The following LLCFC1 variants were observed in gnomAD, a reference collection of about 807,000 sequenced individuals.
LLCFC1 encodes sperm-oocyte fusion factor 1.
LLCFC1 carries 14 observed loss-of-function variants against 9.8 expected under a neutral mutation model. That is an observed-to-expected ratio of 1.43 (90% CI 0.95 to 2.24). LLCFC1 has a LOEUF of 2.24. Ranked by LOEUF, LLCFC1 falls within the 30% of genes most tolerant of loss-of-function variation. LLCFC1 has a pLI of 0.00. For missense variants in LLCFC1, 162 were observed against 148.0 expected (o/e 1.09, Z -0.49); for synonymous variants, 70 against 58.8 (o/e 1.19, Z -0.87).
chr7:142,939,504 GGGGAGAAAATGCCCCTGGAAA>G lies in LLCFC1; in HGVS notation c.-114_-94del. ...AAGTCAGAGGTCCTATGGAAGGTGA[GGGGAGAAAATGCCCCTGGAAA>G]GGGTTAAGGGCCAGGACAGGAATGG... On this transcript the variant is annotated 5_prime_UTR_variant, in exon 1 of 2. An upstream start codon of the reference 5' UTR is lost. Coordinates refer to ENST00000409607, the MANE Select transcript of LLCFC1 (RefSeq NM_001382496.1). 2 of 1,506,872 alleles carry G rather than the reference GGGGAGAAAATGCCCCTGGAAA, an allele frequency of 1.3e-6. No individual in the cohort carries two copies. Among genetic ancestry groups the G allele is most frequent in the Non-Finnish European group, 1.8e-6 (2 of 1,125,114 alleles). 93.3% of individuals were successfully genotyped at this position (1,506,872 alleles called of 1,614,324 possible). A position where few individuals can be genotyped will look rare whatever the true frequency, so the allele number is the denominator to read the frequency against.
rs1406972262 is a variant in LLCFC1, at chr7:142,940,681, C to T, written c.*94C>T. ...ATCACCATCACTGTATCTCAAGGTT[C>T]AGCAGCAGAGATACCAGTTGCCATC... is the stretch of plus-strand genomic sequence containing the variant. On this transcript the variant is annotated 3_prime_UTR_variant, in exon 2 of 2. Transcript: ENST00000409607. 2 of 1,102,180 alleles carry T rather than the reference C, an allele frequency of 1.8e-6. No individual in the cohort carries two copies. Among genetic ancestry groups the T allele is most frequent in the African/African-American group, 3.1e-5 (2 of 64,918 alleles). The allele number at this position is 1,102,180 out of a possible 1,614,324, so 68.3% of individuals were successfully genotyped here.
In LLCFC1 at chr7:142,939,835, G is replaced by A. The variant is rs954076231; in HGVS notation, c.133+81G>A. ...AGAAAAAAAGACGGGAGAGTCTGGA[G>A]GCTCAGGGTGAGGTCTGTGTGAGGC... On this transcript the variant is annotated intron_variant, in intron 1 of 1. Coordinates refer to ENST00000409607, the MANE Select transcript of LLCFC1 (RefSeq NM_001382496.1). 19 of 1,427,156 alleles carry A rather than the reference G, an allele frequency of 1.3e-5. No homozygotes were observed. The South Asian group carries it at 2.3e-4, about 17-fold the overall frequency. The allele number at this position is 1,427,156 out of a possible 1,614,324, so 88.4% of individuals were successfully genotyped here.
chr7:142,940,174 G>A (rs935186815), intron 1 of LLCFC1, among the ~76,000 whole-genome samples, 178 bp from the exon 2 acceptor site: 14 of 148,850 alleles, frequency 9.4e-5, no homozygotes, highest in Non-Finnish European at 1.9e-4. Flanking sequence ...TTGGGGCTGT[G>A]ATTGAACACA....
intron 1 of LLCFC1, among the ~76,000 whole-genome samples, chr7:142,939,991 A>AT (rs1291664562): frequency 6.6e-6 from 1 of 152,038 alleles, no homozygotes; most frequent in Non-Finnish European, 1.5e-5. Context: ...CTGAGCTTGC[A>AT]TGCAACTTCT....
Position 142,940,757 on chromosome 7 carries a change from GAGACAGC to G in LLCFC1, c.*175_*181del. ...TTCGGAGTTTCATCTCCCAGGGCCAGAGACAGCAGACCCACATCCTTCTCTCCCACAC... is the reference window on the plus strand; with the variant it reads ...TTCGGAGTTTCATCTCCCAGGGCCAGAGACCCACATCCTTCTCTCCCACAC... On this transcript the variant is annotated 3_prime_UTR_variant, in exon 2 of 2. Coordinates refer to ENST00000409607, the MANE Select transcript of LLCFC1 (RefSeq NM_001382496.1). 1 of 634,334 alleles carries G rather than the reference GAGACAGC, an allele frequency of 1.6e-6. No homozygotes were observed. Among genetic ancestry groups the G allele is most frequent in the Non-Finnish European group, 2.8e-6 (1 of 361,144 alleles). 39.3% of individuals were successfully genotyped at this position (634,334 alleles called of 1,614,324 possible).
Position 142,940,585 on chromosome 7 carries a change from T to G in LLCFC1, c.367T>G (p.Ter123GlyextTer23), listed in dbSNP as rs752365109. 8 of 1,613,420 alleles carry G rather than the reference T, an allele frequency of 5.0e-6. No homozygotes were observed. The South Asian group carries it at 7.7e-5, about 16-fold the overall frequency. The change falls in exon 2 of 2, where the codon TGA becomes GGA. Residue 123 changes from the stop codon to glycine, a stop_lost. Transcript: ENST00000409607. ...NIQLCFMLTH* is the reference protein window; with the variant it reads ...NIQLCFMLTHG ...CCAACTCTGCTTCATGCTCACTCAC[T>G]GACCCTCCCTCCCTCCTGGGCTCCA... is the stretch of plus-strand genomic sequence containing the variant.
At position 142,940,735 on chromosome 7, in the gene LLCFC1, G is replaced by C; in HGVS notation, c.*148G>C. 1 of 692,522 alleles carries C rather than the reference G, an allele frequency of 1.4e-6. No individual in the cohort carries two copies. The allele number at this position is 692,522 out of a possible 1,614,324, so 42.9% of individuals were successfully genotyped here. ...GCTAACTGACTGCCTCTCCAGGTTC[G>C]GAGTTTCATCTCCCAGGGCCAGAGA... is the stretch of plus-strand genomic sequence containing the variant. On this transcript the variant is annotated 3_prime_UTR_variant, in exon 2 of 2. Transcript: ENST00000409607.
Position 142,939,772 on chromosome 7 carries a change from C to G in LLCFC1, c.133+18C>G, listed in dbSNP as rs780874432. 2 of 1,597,618 alleles carry G rather than the reference C, an allele frequency of 1.3e-6. No individual in the cohort carries two copies. The highest frequency in any genetic ancestry group is 4.5e-5 in the East Asian group (2 of 44,782). On this transcript the variant is annotated intron_variant, in intron 1 of 1. Coordinates refer to ENST00000409607, the MANE Select transcript of LLCFC1 (RefSeq NM_001382496.1). ...CTCTGCAGGTAGGTGGAAAAAAAGA[C>G]AGGAGCCATACAGAGAAAACACCCT... is the stretch of plus-strand genomic sequence containing the variant.
At position 142,940,554 on chromosome 7, in the gene LLCFC1, A is replaced by G. The variant is rs1449461482; in HGVS notation, c.336A>G (p.Pro112=). ...GAGGGCCATTGAGGCGGACATTCCC[A>G]AATATCCAACTCTGCTTCATGCTCA... The part of the protein sequence containing the change: ...FSGGPLRRTF[P]NIQLCFMLTH The change falls in exon 2 of 2, where the codon CCA becomes CCG. Residue 112 remains proline, a synonymous_variant. Coordinates refer to ENST00000409607, the MANE Select transcript of LLCFC1 (RefSeq NM_001382496.1). The G allele has an allele frequency of 6.2e-7, 1 of 1,614,118 alleles. No homozygotes were observed. The highest frequency in any genetic ancestry group is 8.5e-7 in the Non-Finnish European group (1 of 1,180,022).
rs1252577965 is a variant in LLCFC1, at chr7:142,939,813, A to C, written c.133+59A>C. 4 of 1,522,870 alleles carry C rather than the reference A, an allele frequency of 2.6e-6. No individual in the cohort carries two copies. In the African/African-American group the frequency reaches 5.6e-5, roughly 21 times the overall value. The allele number at this position is 1,522,870 out of a possible 1,614,324, so 94.3% of individuals were successfully genotyped here. A position where few individuals can be genotyped will look rare whatever the true frequency, so the allele number is the denominator to read the frequency against. On this transcript the variant is annotated intron_variant, in intron 1 of 1. Coordinates refer to ENST00000409607, the MANE Select transcript of LLCFC1 (RefSeq NM_001382496.1). Reference sequence around the variant, plus strand: ...AAAACACCCTCTTCAGGTAGGTAGAAAAAAAGACGGGAGAGTCTGGAGGCT... The same window carrying C: ...AAAACACCCTCTTCAGGTAGGTAGACAAAAAGACGGGAGAGTCTGGAGGCT...
Position 142,940,353 on chromosome 7 carries a change from C to A in LLCFC1, c.135C>A (p.Asp45Glu). ...GSQTEKTPSADQNQEQFEEHF... is the reference protein window; with the variant it reads ...GSQTEKTPSAEQNQEQFEEHF... ...CCTTGTCCTTTTCCCCTGTTCCAGA[C>A]CAGAATCAAGAACAGTTCGAAGAGC... The change falls in exon 2 of 2, where the codon GAC becomes GAA. Residue 45 changes from aspartate (D) to glutamate (E), a missense_variant and splice_region_variant. Physicochemically the swap from Asp to Glu is conservative, Grantham distance 45 (BLOSUM62 2). Transcript: ENST00000409607. 1.2e-6 allele frequency: 2 copies of A among 1,612,616 alleles called. No individual in the cohort carries two copies. The highest frequency in any genetic ancestry group is 8.5e-7 in the Non-Finnish European group (1 of 1,178,628).
At chr7:142,939,858 G>A in intron 1 of LLCFC1, 104 bp downstream of exon 1, 1 of 1,191,856 alleles carries the variant, frequency 8.4e-7, no homozygotes, top group Non-Finnish European at 1.2e-6. Flanking sequence ...GTCTGTGTGA[G>A]GCCAGGCCCC....
chr7:142,940,577 T>G lies in LLCFC1; in HGVS notation c.359T>G (p.Leu120Arg). 3 of 1,614,058 alleles carry G rather than the reference T, an allele frequency of 1.9e-6. No homozygotes were observed. The highest frequency in any genetic ancestry group is 2.5e-6 in the Non-Finnish European group (3 of 1,179,894). The change falls in exon 2 of 2, where the codon CTC becomes CGC. Residue 120 changes from leucine to arginine, a missense_variant. By Grantham distance (102) the Leu-to-Arg change is moderately radical (BLOSUM62 -2). Coordinates refer to ENST00000409607, the MANE Select transcript of LLCFC1 (RefSeq NM_001382496.1). ...TFPNIQLCFM[L>R]TH The stretch of plus-strand genomic sequence containing the variant: ...CCAAATATCCAACTCTGCTTCATGC[T>G]CACTCACTGACCCTCCCTCCCTCCT...
Position 142,939,632 on chromosome 7 carries a change from T to A in LLCFC1, c.11T>A (p.Leu4Gln). MPP[L>Q]APQLCRAVFL... ...TGGGTGGGCAGGTCCATGCCTCCCCTGGCCCCCCAGCTCTGCAGGGCAGTG... is the reference window on the plus strand; with the variant it reads ...TGGGTGGGCAGGTCCATGCCTCCCCAGGCCCCCCAGCTCTGCAGGGCAGTG... The change falls in exon 1 of 2, where the codon CTG becomes CAG. Residue 4 changes from leucine (L) to glutamine (Q), a missense_variant. Transcript: ENST00000409607. 1 of 1,612,838 alleles carries A rather than the reference T, an allele frequency of 6.2e-7. No homozygotes were observed. Among genetic ancestry groups the A allele is most frequent in the Non-Finnish European group, 8.5e-7 (1 of 1,179,364 alleles).
chr7:142,940,561 C>T lies in LLCFC1; in HGVS notation c.343C>T (p.Gln115Ter), dbSNP rs1562954750. Residue 115 changes from glutamine (Q) to a stop codon, truncating the protein, a stop_gained, in exon 2 of 2, where the codon CAA becomes TAA. Transcript: ENST00000409607. LOFTEE classifies it high-confidence loss of function. ...GPLRRTFPNIQLCFMLTH is the reference protein window; with the variant it reads ...GPLRRTFPNI ...ATTGAGGCGGACATTCCCAAATATCCAACTCTGCTTCATGCTCACTCACTG... is the reference window on the plus strand; with the variant it reads ...ATTGAGGCGGACATTCCCAAATATCTAACTCTGCTTCATGCTCACTCACTG... The T allele has an allele frequency of 2.5e-6, 4 of 1,614,170 alleles. No individual in the cohort carries two copies. The highest frequency in any genetic ancestry group is 3.4e-6 in the Non-Finnish European group (4 of 1,180,008).
In LLCFC1 at chr7:142,939,729, C is replaced by T. The variant is rs1480216890; in HGVS notation, c.108C>T (p.Ser36=). Reference sequence around the variant, plus strand: ...GGAGCCCAGGCCCCAAAGATGGGAGCCAGACAGAGAAAACGCCCTCTGCAG... The same window carrying T: ...GGAGCCCAGGCCCCAAAGATGGGAGTCAGACAGAGAAAACGCCCTCTGCAG... ...LNGSPGPKDG[S]QTEKTPSADQ... The change falls in exon 1 of 2, where the codon AGC becomes AGT. Residue 36 remains serine (S), a synonymous_variant. Coordinates refer to ENST00000409607, the MANE Select transcript of LLCFC1 (RefSeq NM_001382496.1). 1 of 1,612,336 alleles carries T rather than the reference C, an allele frequency of 6.2e-7. No homozygotes were observed. Among genetic ancestry groups the T allele is most frequent in the Non-Finnish European group, 8.5e-7 (1 of 1,179,432 alleles).
At chr7:142,940,083 A>G (rs954319394) in intron 1 of LLCFC1, among the ~76,000 whole-genome samples, 3 of 149,798 alleles carry the variant, frequency 2.0e-5, no homozygotes, top group South Asian at 2.1e-4. Flanking sequence ...GAAACCCTAG[A>G]GGAGGCAGCT....
At chr7:142,940,176 T>C (rs1796310176) in intron 1 of LLCFC1, among the ~76,000 whole-genome samples, 176 bp from the exon 2 acceptor site, 1 of 145,276 alleles carries the variant, frequency 6.9e-6, no homozygotes, top group African/African-American at 2.6e-5. Context: ...GGGGCTGTGA[T>C]TGAACACAGA....
In LLCFC1 at chr7:142,940,437, A is replaced by G; in HGVS notation, c.219A>G (p.Glu73=). The G allele has an allele frequency of 6.2e-7, 1 of 1,614,186 alleles. No individual in the cohort carries two copies. The highest frequency in any genetic ancestry group is 8.5e-7 in the Non-Finnish European group (1 of 1,180,030). Residue 73 remains glutamate, a synonymous_variant, in exon 2 of 2, where the codon GAA becomes GAG. Coordinates refer to ENST00000409607, the MANE Select transcript of LLCFC1 (RefSeq NM_001382496.1). ...MWQVVDMAQQ[E]EDQSSKTAAV... is the part of the protein sequence containing the mutation. ...AGGTGGTGGACATGGCCCAGCAGGAAGAAGACCAGTCGTCCAAGACGGCAG... is the reference window on the plus strand; with the variant it reads ...AGGTGGTGGACATGGCCCAGCAGGAGGAAGACCAGTCGTCCAAGACGGCAG...
Sources: allele counts gnomAD v4.1 joint callset (sites outside exome capture counted in the v4.1 genomes callset), GRCh38; gene constraint gnomAD v4.1.1; transcripts MANE v1.5; gene names NCBI Gene and HGNC (gene_info 2026-07-23, HGNC 2026-07-21).